The following CPA6 variants were observed in gnomAD, a reference collection of about 807,000 sequenced individuals.
CPA6 encodes carboxypeptidase B.
A neutral mutation model predicts 63.3 loss-of-function variants in CPA6; 58 were observed. The observed-to-expected ratio is 0.92, with a 90% CI of 0.74 to 1.14. CPA6 has a LOEUF of 1.14. CPA6 is among the 50% of genes most tolerant of loss of function. The pLI is 0.00. For synonymous variants in CPA6, 185 were observed against 179.0 expected, an observed-to-expected ratio of 1.03 and a Z score of -0.27; for missense variants, 565 against 526.6, an observed-to-expected ratio of 1.07 and a Z score of -0.71.
At chr8:67,717,998 C>T (rs965291604) in intron 1 of CPA6, among the ~76,000 whole-genome samples, 1 of 152,108 alleles carries the variant, frequency 6.6e-6, no homozygotes, top group Non-Finnish European at 1.5e-5. Context: ...GAGATAAACA[C>T]CTTTGGGGCT....
At chr8:67,740,278 A>G (rs1817887968) in intron 1 of CPA6, among the ~76,000 whole-genome samples, 1 of 152,206 alleles carries the variant, frequency 6.6e-6, no homozygotes, top group Admixed American at 6.5e-5. Context: ...CTACCAGTGC[A>G]GAAGGCAACT....
At chr8:67,659,866 A>G (rs1490527247) in intron 1 of CPA6, among the ~76,000 whole-genome samples, 2 of 152,200 alleles carry the variant, frequency 1.3e-5, no homozygotes, top group African/African-American at 4.8e-5. Context: ...AACGTTGCCT[A>G]TTCCCTTCAT....
intron 10 of CPA6, among the ~76,000 whole-genome samples, chr8:67,424,259 G>T (rs1027358027): frequency 6.6e-6 from 1 of 152,048 alleles, no homozygotes; most frequent in Admixed American, 6.6e-5. Context: ...AATAAAGTGC[G>T]CAATGAATGT....
chr8:67,745,936 A>G, intron 1 of CPA6, 78 bp downstream of exon 1: 1 of 974,830 alleles, frequency 1.0e-6, no homozygotes, highest in Non-Finnish European at 1.5e-6. Flanking sequence ...AATCAGAAAA[A>G]GTGAGGCACA....
intron 1 of CPA6, among the ~76,000 whole-genome samples, chr8:67,717,999 C>G (rs1326569432): frequency 6.6e-6 from 1 of 152,070 alleles, no homozygotes; most frequent in Non-Finnish European, 1.5e-5. Flanking sequence ...AGATAAACAC[C>G]TTTGGGGCTG....
chr8:67,438,492 G>A (rs1185695846), intron 8 of CPA6, among the ~76,000 whole-genome samples: 1 of 152,164 alleles, frequency 6.6e-6, no homozygotes, highest in Non-Finnish European at 1.5e-5. Flanking sequence ...ATTGCAATGT[G>A]AGTGAAATAA....
intron 2 of CPA6, among the ~76,000 whole-genome samples, chr8:67,551,339 C>A (rs1177191471): frequency 6.6e-6 from 1 of 152,010 alleles, no homozygotes; most frequent in African/African-American, 2.4e-5. Context: ...TGTATGTGTG[C>A]TGCTTTATTT....
chr8:67,577,884 G>T (rs1813667057), intron 2 of CPA6, among the ~76,000 whole-genome samples: 1 of 152,142 alleles, frequency 6.6e-6, no homozygotes, highest in Non-Finnish European at 1.5e-5. Flanking sequence ...GAAATATGTT[G>T]CAGTCTACGA....
chr8:67,710,406 C>G (rs1429059829), intron 1 of CPA6, among the ~76,000 whole-genome samples: 2 of 148,838 alleles, frequency 1.3e-5, no homozygotes, highest in African/African-American at 5.0e-5. Context: ...CGCCCCCACC[C>G]CCCCCCAACC....
In CPA6 at chr8:67,585,709, A is replaced by G. The variant is rs146249319; in HGVS notation, c.192+38467T>C. Among the ~76,000 whole-genome samples, 556 of 152,304 alleles carry G rather than the reference A, an allele frequency of 3.7e-3. 3 individuals are homozygous for G. Among genetic ancestry groups the G allele is most frequent in the African/African-American group, 0.013 (521 of 41,562 alleles). ...GTAAAGGAAGGTTTGATATGTTGAT[A>G]TGATACGTAAGTGTCCTTCGTTGTG... On this transcript the variant is annotated intron_variant, in intron 2 of 10. Transcript: ENST00000297770.
At chr8:67,700,061 C>T (rs555443087) in intron 1 of CPA6, among the ~76,000 whole-genome samples, 3 of 152,228 alleles carry the variant, frequency 2.0e-5, no homozygotes, top group Admixed American at 6.5e-5. Flanking sequence ...TATTATTTTG[C>T]CTCATATAAT....
chr8:67,544,619 C>A (rs1812774486), intron 2 of CPA6, among the ~76,000 whole-genome samples: 1 of 152,156 alleles, frequency 6.6e-6, no homozygotes, highest in African/African-American at 2.4e-5. Flanking sequence ...TTTAGATGAC[C>A]TTTTTCTTGA....
At chr8:67,595,154 C>A (rs1814288407) in intron 2 of CPA6, among the ~76,000 whole-genome samples, 1 of 152,182 alleles carries the variant, frequency 6.6e-6, no homozygotes, top group African/African-American at 2.4e-5. Flanking sequence ...ACTCCAGACC[C>A]TGTTTGCCTG....
chr8:67,552,389 T>C (rs542399296), intron 2 of CPA6, among the ~76,000 whole-genome samples: 1 of 152,204 alleles, frequency 6.6e-6, no homozygotes, highest in Non-Finnish European at 1.5e-5. Context: ...TAGCAGACTA[T>C]GTGCTGAGTA....
At chr8:67,604,929 C>G (rs957464455) in intron 2 of CPA6, among the ~76,000 whole-genome samples, 1 of 152,090 alleles carries the variant, frequency 6.6e-6, no homozygotes, top group Non-Finnish European at 1.5e-5. Context: ...AGGCACCTGT[C>G]ACCATGCCTA....
intron 1 of CPA6, among the ~76,000 whole-genome samples, chr8:67,646,120 A>C (rs540870332): frequency 6.6e-6 from 1 of 152,242 alleles, no homozygotes; most frequent in Non-Finnish European, 1.5e-5. Flanking sequence ...GCTATGTAAC[A>C]CTGCAACCAG....
At chr8:67,446,110 CAAA>C (rs1301334297) in intron 8 of CPA6, among the ~76,000 whole-genome samples, 5 of 151,778 alleles carry the variant, frequency 3.3e-5, no homozygotes, top group African/African-American at 1.2e-4. Flanking sequence ...TAAAAAAATA[CAAA>C]AAATTAGCCG....
intron 1 of CPA6, among the ~76,000 whole-genome samples, chr8:67,710,098 G>A (rs575763426): frequency 1.7e-4 from 25 of 148,974 alleles, no homozygotes; most frequent in African/African-American, 6.3e-4. Flanking sequence ...GGGCAACAGA[G>A]CGAGACTTGG....
intron 6 of CPA6, among the ~76,000 whole-genome samples, chr8:67,492,107 C>A (rs913425703): frequency 6.6e-6 from 1 of 152,110 alleles, no homozygotes; most frequent in African/African-American, 2.4e-5. Context: ...GAGGTGAGAT[C>A]TGAACCCAAA....
Sources: gnomAD v4.1 joint callset for allele counts (sites outside exome capture counted in the v4.1 genomes callset) on GRCh38, gnomAD v4.1.1 for gene constraint, MANE v1.5 for transcripts, NCBI Gene and HGNC (gene_info 2026-07-23, HGNC 2026-07-21) for gene names.